SCNN1A: variants seen among roughly 807,000 people sequenced by gnomAD.
The protein encoded by SCNN1A is epithelial sodium channel subunit alpha.
SCNN1A carries 65 observed loss-of-function variants against 68.6 expected under a neutral mutation model. The observed-to-expected ratio is 0.95, with a 90% CI of 0.78 to 1.16. SCNN1A has a LOEUF of 1.16. Ranked by LOEUF, SCNN1A falls within the 50% of genes most tolerant of loss-of-function variation. The pLI is 0.00. For synonymous variants in SCNN1A, 357 were observed against 353.3 expected (o/e 1.01, Z -0.12); for missense variants, 880 against 865.9 (o/e 1.02, Z -0.20).
intron 2 of SCNN1A, 158 bp from the exon 3 acceptor site, chr12:6,363,868 G>A: frequency 1.7e-6 from 1 of 606,042 alleles, no homozygotes. Flanking sequence ...GCCGTCCGGC[G>A]GTGAAGGGTA....
intron 8 of SCNN1A, among the ~76,000 whole-genome samples, 165 bp from the exon 9 acceptor site, chr12:6,349,570 A>C (rs1948335943): frequency 6.6e-6 from 1 of 152,066 alleles, no homozygotes; most frequent in Admixed American, 6.6e-5. Context: ...TAAGAAATTA[A>C]GCTAAGCCAG....
rs56408845 is a variant in SCNN1A at position 6,365,026 on chromosome 12, CT to C, written c.417-1317del. ...AACACAATCCCTATCAAAATTCCAG[CT>C]TTTTTTTTTTTTTTGGACAGGATCT... On this transcript the variant is annotated intron_variant, in intron 2 of 12. Coordinates refer to ENST00000228916, the MANE Select transcript of SCNN1A (RefSeq NM_001038.6). Among the ~76,000 whole-genome samples, 151 of 136,706 alleles carry C rather than the reference CT, an allele frequency of 1.1e-3. 1 individual carries two copies. The highest frequency in any genetic ancestry group is 3.7e-3 in the Middle Eastern group (1 of 270). The allele number at this position is 136,706 out of a possible 152,430, so 89.7% of individuals were successfully genotyped here. A position where few individuals can be genotyped will look rare whatever the true frequency, so the allele number is the denominator to read the frequency against.
At chr12:6,364,711 G>A (rs968045972) in intron 2 of SCNN1A, among the ~76,000 whole-genome samples, 1 of 151,450 alleles carries the variant, frequency 6.6e-6, no homozygotes, top group African/African-American at 2.4e-5. Flanking sequence ...GCAGTGAGCC[G>A]AGATCGCGCC....
chr12:6,369,218 G>A (rs1434146441), intron 2 of SCNN1A, among the ~76,000 whole-genome samples: 4 of 150,600 alleles, frequency 2.7e-5, no homozygotes, highest in Non-Finnish European at 5.9e-5. Flanking sequence ...CTCCCCTGGG[G>A]AGCCCCCATG....
At chr12:6,362,750 G>C (rs1297698487) in intron 3 of SCNN1A, among the ~76,000 whole-genome samples, 1 of 151,402 alleles carries the variant, frequency 6.6e-6, no homozygotes, top group Non-Finnish European at 1.5e-5. Context: ...TGTGATCAAG[G>C]CTCACAGCAG....
rs868295725 is a variant in SCNN1A at position 6,349,675 on chromosome 12, C to T, written c.1361-270G>A. On this transcript the variant is annotated intron_variant, in intron 8 of 12. Transcript: ENST00000228916. Reference sequence around the variant, plus strand: ...AGTGAGCTATGAGTGTGCCTTTGTACTCCAACTCTGGCAACAGAGTGAGAC... The same window carrying T: ...AGTGAGCTATGAGTGTGCCTTTGTATTCCAACTCTGGCAACAGAGTGAGAC... Among the ~76,000 whole-genome samples, 2 of 151,862 alleles carry T rather than the reference C, an allele frequency of 1.3e-5. 1 individual carries two copies.
In SCNN1A at chr12:6,374,496, GC is replaced by G. The variant is rs1184550420; in HGVS notation, c.287del (p.Gly96AlafsTer2). 3 of 1,614,244 alleles carry G rather than the reference GC, an allele frequency of 1.9e-6. No homozygotes were observed. Among genetic ancestry groups the G allele is most frequent in the Non-Finnish European group, 2.5e-6 (3 of 1,180,042 alleles). ...FWAVLWLCTF[G>X]MMYWQFGLLF... Reference sequence around the variant, plus strand: ...GCAGGCCGAATTGCCAGTACATCATGCCAAAGGTGCAGAGCCACAGCACTGC... The same window carrying G: ...GCAGGCCGAATTGCCAGTACATCATGCAAAGGTGCAGAGCCACAGCACTGC... On this transcript the variant is annotated frameshift_variant, in exon 2 of 13. Coordinates refer to ENST00000228916, the MANE Select transcript of SCNN1A (RefSeq NM_001038.6). LOFTEE classifies it high-confidence loss of function. This position sits in a 1 kb window ranked among gnomAD's most constrained non-coding sequence, Gnocchi z 6.2.
intron 2 of SCNN1A, 55 bp from the exon 3 acceptor site, chr12:6,363,765 C>A (rs1948625238): frequency 1.3e-6 from 2 of 1,503,452 alleles, no homozygotes; most frequent in Non-Finnish European, 1.8e-6. Flanking sequence ...GAGTGTCTGG[C>A]CCCTCCGGGG....
At chr12:6,373,041 C>A (rs774515546) in intron 2 of SCNN1A, among the ~76,000 whole-genome samples, 4 of 152,178 alleles carry the variant, frequency 2.6e-5, no homozygotes, top group Non-Finnish European at 4.4e-5. Flanking sequence ...CCCAAGACAC[C>A]TTCGCAGCGT....
At chr12:6,369,936 G>T (rs747646470) in intron 2 of SCNN1A, among the ~76,000 whole-genome samples, 4 of 151,946 alleles carry the variant, frequency 2.6e-5, no homozygotes, top group Non-Finnish European at 4.4e-5. Flanking sequence ...AGAGCTAAGA[G>T]AATTGACCAC....
intron 2 of SCNN1A, among the ~76,000 whole-genome samples, chr12:6,370,023 C>T (rs567958252): frequency 6.6e-6 from 1 of 152,196 alleles, no homozygotes; most frequent in South Asian, 2.1e-4. Context: ...TAAAGAATGC[C>T]CACAGTGGGT....
chr12:6,374,248 G>T lies in SCNN1A; in HGVS notation c.416+120C>A. 1 of 1,117,628 alleles carries T rather than the reference G, an allele frequency of 8.9e-7. No individual in the cohort carries two copies. The highest frequency in any genetic ancestry group is 1.5e-5 in the South Asian group (1 of 66,726). The allele number at this position is 1,117,628 out of a possible 1,614,324, so 69.2% of individuals were successfully genotyped here. ...TTTGCCAGCAGTGAGCTCTACCTGG[G>T]ACAGGGGTGTCAGTTCCCACCCTCA... On this transcript the variant is annotated intron_variant, in intron 2 of 12. Coordinates refer to ENST00000228916, the MANE Select transcript of SCNN1A (RefSeq NM_001038.6). This position sits in a 1 kb window ranked among gnomAD's most constrained non-coding sequence, Gnocchi z 6.2.
At chr12:6,348,644 GACA>G (rs1948308760) in intron 12 of SCNN1A, 80 bp downstream of exon 12, 2 of 1,209,142 alleles carry the variant, frequency 1.7e-6, no homozygotes, top group African/African-American at 3.0e-5. Flanking sequence ...GGCCCACAGA[GACA>G]ACCTTTTGGT....
upstream of SCNN1A, chr12:6,377,123 A>G (rs1300983537): frequency 1.8e-4 from 117 of 664,736 alleles, no homozygotes; most frequent in East Asian, 3.4e-3. Context: ...GGCAAAGAAG[A>G]GAAAAGGCAG....
chr12:6,362,289 C>A lies in SCNN1A; in HGVS notation c.685-48G>T, dbSNP rs747887341. 3.8e-6 allele frequency: 6 copies of A among 1,565,420 alleles called. No homozygotes were observed. In the South Asian group the frequency reaches 6.7e-5, roughly 17 times the overall value. ...GAGGGGACACGCAGCCGGGGATAAG[C>A]CCCTTGGCAGGGCCAAGGGCAAAGA... On this transcript the variant is annotated intron_variant, in intron 3 of 12. Transcript: ENST00000228916.
chr12:6,374,884 AG>A lies in SCNN1A; in HGVS notation c.-54-48del, dbSNP rs1015173722. ...TTGGGGAGAGCAAGGGTCAGGGTCA[AG>A]GCTGAGCTCTGGGCCCTGAGTGCCC... On this transcript the variant is annotated intron_variant, in intron 1 of 12. Coordinates refer to ENST00000228916, the MANE Select transcript of SCNN1A (RefSeq NM_001038.6). The surrounding 1 kb of genome is among the most constrained non-coding windows in gnomAD (Gnocchi z 6.2). 4 of 1,613,622 alleles carry A rather than the reference AG, an allele frequency of 2.5e-6. No homozygotes were observed. In the African/African-American group the frequency reaches 5.3e-5, roughly 22 times the overall value.
chr12:6,364,496 C>A (rs868643267), intron 2 of SCNN1A, among the ~76,000 whole-genome samples: 4 of 152,154 alleles, frequency 2.6e-5, no homozygotes, highest in Non-Finnish European at 5.9e-5. Context: ...TGGCTCACGC[C>A]TGTAATCCCA....
chr12:6,365,510 G>A (rs897586126), intron 2 of SCNN1A, among the ~76,000 whole-genome samples: 2 of 152,208 alleles, frequency 1.3e-5, no homozygotes, highest in Non-Finnish European at 2.9e-5. Flanking sequence ...AGAGACAATA[G>A]ATCAATGGAA....
At position 6,351,256 on chromosome 12, in the gene SCNN1A, A is replaced by C. The variant is rs892295109; in HGVS notation, c.1361-1851T>G. On this transcript the variant is annotated intron_variant, in intron 8 of 12. Transcript: ENST00000228916. The surrounding 1 kb of genome is among the most constrained non-coding windows in gnomAD (Gnocchi z 4.2). The stretch of plus-strand genomic sequence containing the variant: ...CACTGCTATTGCTACCATACGGATG[A>C]ACCTTGAAAATATTATGCTAAGTGA... 6.6e-6 allele frequency among the ~76,000 whole-genome samples: 1 copy of C among 152,228 alleles called. No individual in the cohort carries two copies. The highest frequency in any genetic ancestry group is 1.5e-5 in the Non-Finnish European group (1 of 68,042).
Sources: gnomAD v4.1 joint callset for allele counts (sites outside exome capture counted in the v4.1 genomes callset) on GRCh38, gnomAD v4.1.1 for gene constraint, Gnocchi (gnomAD v3.1) non-coding constraint, MANE v1.5 for transcripts, NCBI Gene and HGNC (gene_info 2026-07-23, HGNC 2026-07-21) for gene names.